The following MAPK6 variants were observed in gnomAD, a reference collection of about 807,000 sequenced individuals.
MAPK6 encodes the protein ERK-3.
In MAPK6, 19 loss-of-function variants were observed where a neutral mutation model predicts 59.3. The ratio of observed to expected loss-of-function variants is 0.32; its 90% confidence interval spans 0.22 to 0.47. MAPK6 has a LOEUF of 0.47. Ranked by LOEUF, MAPK6 falls within the 20% of genes least tolerant of loss-of-function variation. The pLI is 1.00. For missense variants in MAPK6, 724 were observed against 847.9 expected, an observed-to-expected ratio of 0.85 and a Z score of 1.81; for synonymous variants, 316 against 290.3, an observed-to-expected ratio of 1.09 and a Z score of -0.90.
intron 3 of MAPK6, chr15:52,056,861 C>T (rs1222934698): frequency 2.0e-5 from 3 of 152,214 alleles, no homozygotes; most frequent in East Asian, 1.9e-4. Context: ...ATGATGACTC[C>T]TGAATTTATA....
At chr15:52,031,564 C>G (rs1465933513) in intron 1 of MAPK6, among the ~76,000 whole-genome samples, 1 of 152,112 alleles carries the variant, frequency 6.6e-6, no homozygotes, top group Non-Finnish European at 1.5e-5. Flanking sequence ...GGCGTGGTGG[C>G]TCACACCTGT....
chr15:52,024,407 T>C (rs1000302134), intron 1 of MAPK6, among the ~76,000 whole-genome samples: 1 of 151,172 alleles, frequency 6.6e-6, no homozygotes, highest in Non-Finnish European at 1.5e-5. Context: ...TTTTTCTTTT[T>C]TTTTTTTTTT....
chr15:52,045,536 A>AT (rs1353326121), intron 1 of MAPK6, among the ~76,000 whole-genome samples: 1 of 152,202 alleles, frequency 6.6e-6, no homozygotes, highest in Non-Finnish European at 1.5e-5. Context: ...TTCTATAAAA[A>AT]TATTATGAAC....
intron 3 of MAPK6, chr15:52,011,366 T>C (rs887302633): frequency 1.3e-5 from 2 of 152,186 alleles, no homozygotes; most frequent in African/African-American, 4.8e-5. Context: ...AGCCATCACA[T>C]GTTTTGCTTT....
chr15:52,016,042 C>T (rs1337036044), upstream of MAPK6, among the ~76,000 whole-genome samples: 7 of 113,264 alleles, frequency 6.2e-5, no homozygotes, highest in Non-Finnish European at 9.2e-5. Context: ...GGCCACAGAG[C>T]CAAACTCCAT....
intron 1 of MAPK6, among the ~76,000 whole-genome samples, chr15:52,027,484 C>T (rs1038912934): frequency 1.3e-5 from 2 of 151,144 alleles, no homozygotes; most frequent in African/African-American, 4.9e-5. Flanking sequence ...TCCAATCAGG[C>T]TTAATACATA....
chr15:52,015,479 A>AT (rs563240004), upstream of MAPK6, among the ~76,000 whole-genome samples: 2,232 of 134,840 alleles, frequency 0.017, 32 homozygotes, highest in Middle Eastern at 0.04. Flanking sequence ...ACAGAATGGG[A>AT]TTTTTTTTTT....
intron 1 of MAPK6, among the ~76,000 whole-genome samples, chr15:52,040,343 A>G (rs1032327136): frequency 2.0e-5 from 3 of 152,216 alleles, no homozygotes; most frequent in Non-Finnish European, 4.4e-5. Flanking sequence ...TACTCACTTG[A>G]CTATGGAGAA....
chr15:52,049,856 G>A (rs537826928), intron 2 of MAPK6, 137 bp from the exon 3 acceptor site: 77 of 723,000 alleles, frequency 1.1e-4, no homozygotes, highest in East Asian at 9.7e-4. Context: ...TGGGTGATCC[G>A]CCCACCTTGG....
chr15:52,060,877 T>C (rs982116160), intron 4 of MAPK6, among the ~76,000 whole-genome samples: 3 of 152,234 alleles, frequency 2.0e-5, no homozygotes, highest in South Asian at 2.1e-4. Context: ...TTGTACCTTA[T>C]GAAATATCTA....
intron 1 of MAPK6, among the ~76,000 whole-genome samples, chr15:51,974,683 A>G (rs2057152291): frequency 1.4e-5 from 2 of 139,564 alleles, no homozygotes; most frequent in African/African-American, 2.6e-5. Context: ...AAAAAAAAAG[A>G]TGATCTTGAC....
rs754927155 is a variant in MAPK6, at chr15:52,064,405, G to T, written c.1571G>T (p.Gly524Val). Reference sequence around the variant, plus strand: ...GGAAAAGAAAGGGAAAAGAATCAGGGATTTGATTTTGATTCCTTTATTGCA... The same window carrying T: ...GGAAAAGAAAGGGAAAAGAATCAGGTATTTGATTTTGATTCCTTTATTGCA... The part of the protein sequence containing the change: ...LAGKEREKNQ[G>V]FDFDSFIAGT... Residue 524 changes from glycine (G) to valine (V), a missense_variant, in exon 6 of 6, where the codon GGA (glycine) becomes GTA (valine). Physicochemically the swap from Gly to Val is moderately radical, Grantham distance 109. Around this residue, in one of 4 missense-constraint regions of MAPK6, gnomAD observed 502 missense variants for 507.6 expected, o/e 0.99. Transcript: ENST00000261845. The T allele has an allele frequency of 6.2e-7, 1 of 1,611,902 alleles. No individual in the cohort carries two copies. Among genetic ancestry groups the T allele is most frequent in the South Asian group, 1.1e-5 (1 of 90,986 alleles).
upstream of MAPK6, among the ~76,000 whole-genome samples, chr15:52,016,066 GCGCGCACACACACACACACACA>G (rs1173551805): frequency 4.5e-5 from 2 of 44,338 alleles, no homozygotes; most frequent in African/African-American, 1.5e-4. Context: ...GCGCGCGCGC[GCGCGCACACACACACACACACA>G]CACACACACA....
intron 3 of MAPK6, chr15:52,057,105 C>G (rs1310217608): frequency 6.6e-6 from 1 of 151,888 alleles, no homozygotes; most frequent in African/African-American, 2.4e-5. Flanking sequence ...TTTCTTCAAA[C>G]TATATCCAGA....
At chr15:52,031,500 C>T (rs1171342213) in intron 1 of MAPK6, among the ~76,000 whole-genome samples, 1 of 152,190 alleles carries the variant, frequency 6.6e-6, no homozygotes, top group Non-Finnish European at 1.5e-5. Context: ...CAATGCTTCA[C>T]ACATAATACA....
intron 2 of MAPK6, among the ~76,000 whole-genome samples, chr15:51,994,755 C>T (rs999088816): frequency 4.6e-5 from 7 of 152,174 alleles, no homozygotes; most frequent in Non-Finnish European, 8.8e-5. Flanking sequence ...AAGAACACAG[C>T]GTTGATTCTC....
rs750986501 is a variant in MAPK6 at position 52,063,930 on chromosome 15, G to A, written c.1096G>A (p.Asp366Asn). The A allele has an allele frequency of 6.4e-7, 1 of 1,564,582 alleles. No homozygotes were observed. The highest frequency in any genetic ancestry group is 8.7e-7 in the Non-Finnish European group (1 of 1,154,828). ...RYHDCQFSEHDWPVHNNFDID... is the reference protein window; with the variant it reads ...RYHDCQFSEHNWPVHNNFDID... ...TCATGATTGTCAGTTTTCAGAGCAT[G>A]ATTGGCCTGTACATAACAACTTTGA... The change falls in exon 6 of 6, where the codon GAT becomes AAT. Residue 366 changes from aspartate to asparagine, a missense_variant. Physicochemically the swap from Asp to Asn is conservative, Grantham distance 23. Coordinates refer to ENST00000261845, the MANE Select transcript of MAPK6 (RefSeq NM_002748.4).
intron 2 of MAPK6, among the ~76,000 whole-genome samples, chr15:51,993,594 G>T (rs182404407): frequency 6.6e-6 from 1 of 152,054 alleles, no homozygotes; most frequent in African/African-American, 2.4e-5. Context: ...ATAGATAGAT[G>T]GATGTAGAAA....
chr15:51,998,687 A>ATTTTTTTTTTATTTTTTTTTTTTTTT, intron 2 of MAPK6, among the ~76,000 whole-genome samples: 1 of 38,472 alleles, frequency 2.6e-5, no homozygotes, highest in Non-Finnish European at 4.6e-5. Context: ...TGCCTGGTTA[A>ATTTTTTTTTTATTTTTTTTTTTTTTT]TTTTTTTTTT....
Sources: allele counts gnomAD v4.1 joint callset (sites outside exome capture counted in the v4.1 genomes callset), GRCh38; gene constraint gnomAD v4.1.1; regional missense constraint gnomAD v4.1.1; transcripts MANE v1.5; gene names NCBI Gene and HGNC (gene_info 2026-07-23, HGNC 2026-07-21).